The following IDNK variants were observed in gnomAD, a reference collection of about 807,000 sequenced individuals.
IDNK encodes IDNK gluconokinase.
Under a neutral mutation model 13.0 loss-of-function variants are expected in IDNK, and 9 were observed. That is an observed-to-expected ratio of 0.69 (90% CI 0.42 to 1.21). The LOEUF (loss-of-function observed/expected upper bound fraction) is 1.21. Ranked by LOEUF, IDNK falls within the 50% of genes most tolerant of loss-of-function variation. The pLI is 0.00. For missense variants in IDNK, 210 were observed against 237.8 expected (o/e 0.88, Z 0.77); for synonymous variants, 92 against 94.9 (o/e 0.97, Z 0.18).
chr9:83,638,593 G>A (rs1479732550), intron 3 of IDNK, among the ~76,000 whole-genome samples: 2 of 152,160 alleles, frequency 1.3e-5, no homozygotes, highest in East Asian at 1.9e-4. Context: ...AGCAGGGCAA[G>A]AATAAAACTG....
intron 1 of IDNK, among the ~76,000 whole-genome samples, chr9:83,624,985 GA>G (rs1477381694): frequency 6.6e-6 from 1 of 151,948 alleles, no homozygotes; most frequent in Non-Finnish European, 1.5e-5. Context: ...AAAGTGCAGG[GA>G]TTACAGGCGT....
rs960607054 is a variant in IDNK, at chr9:83,628,030, C to T, written c.51-151C>T. ...AGCTAAGGCCAGTCTCCAGACTCCA[C>T]GGTCACGGGCATCACTGCTTTAGGA... is the stretch of plus-strand genomic sequence containing the variant. On this transcript the variant is annotated intron_variant, in intron 1 of 4. Coordinates refer to ENST00000376419, the MANE Select transcript of IDNK (RefSeq NM_001001551.4). 1.7e-5 allele frequency: 25 copies of T among 1,458,346 alleles called. No individual in the cohort carries two copies. In the East Asian group the frequency reaches 4.1e-4, roughly 24 times the overall value. 90.3% of individuals were successfully genotyped at this position (1,458,346 alleles called of 1,614,324 possible). A position where few individuals can be genotyped will look rare whatever the true frequency, so the allele number is the denominator to read the frequency against.
chr9:83,626,978 C>A, intron 1 of IDNK: 1 of 342,610 alleles, frequency 2.9e-6, no homozygotes, highest in Non-Finnish European at 4.2e-6. Flanking sequence ...CAACAGTATC[C>A]AGCTAGAATT....
At chr9:83,638,312 T>C (rs927910221) in intron 3 of IDNK, among the ~76,000 whole-genome samples, 1 of 151,960 alleles carries the variant, frequency 6.6e-6, no homozygotes, top group Non-Finnish European at 1.5e-5. Context: ...AAACAATCAA[T>C]AGATGGATTA....
intron 3 of IDNK, among the ~76,000 whole-genome samples, chr9:83,641,257 CG>C (rs1831299699): frequency 6.6e-6 from 1 of 152,086 alleles, no homozygotes; most frequent in African/African-American, 2.4e-5. Flanking sequence ...GATTTGTAAA[CG>C]TATCAGAACC....
chr9:83,632,554 G>A (rs1042047555), intron 3 of IDNK, among the ~76,000 whole-genome samples: 2 of 52,472 alleles, frequency 3.8e-5, no homozygotes, highest in South Asian at 1.2e-3. Flanking sequence ...GATAGCTGAT[G>A]AGCAAAAAAA....
At chr9:83,640,759 C>A (rs1025724457) in intron 3 of IDNK, among the ~76,000 whole-genome samples, 1 of 152,138 alleles carries the variant, frequency 6.6e-6, no homozygotes, top group Non-Finnish European at 1.5e-5. Flanking sequence ...GCAGGAGAAT[C>A]GCTTGAACCC....
At chr9:83,638,227 C>G (rs1397726505) in intron 3 of IDNK, among the ~76,000 whole-genome samples, 2 of 151,672 alleles carry the variant, frequency 1.3e-5, no homozygotes, top group Non-Finnish European at 2.9e-5. Context: ...TCTCCAAGAA[C>G]TAGACATAAT....
intron 1 of IDNK, 30 bp downstream of exon 1, chr9:83,623,251 G>C: frequency 2.2e-6 from 3 of 1,379,866 alleles, no homozygotes; most frequent in Non-Finnish European, 1.9e-6. Flanking sequence ...GGGGGCGCCC[G>C]GGACAAGTGT....
intron 1 of IDNK, among the ~76,000 whole-genome samples, chr9:83,627,853 C>CAA (rs149062579): frequency 6.0e-3 from 439 of 73,410 alleles, no homozygotes; most frequent in African/African-American, 0.01. Context: ...ATCCCCACCA[C>CAA]AAAAAAAAAA....
intron 1 of IDNK, among the ~76,000 whole-genome samples, chr9:83,624,381 C>A (rs1564142853): frequency 6.6e-6 from 1 of 152,168 alleles, no homozygotes; most frequent in Non-Finnish European, 1.5e-5. Context: ...TTCATGTACT[C>A]AGTAATTATT....
chr9:83,623,151 G>T lies in IDNK; in HGVS notation c.-21G>T. On this transcript the variant is annotated 5_prime_UTR_variant, in exon 1 of 5. Coordinates refer to ENST00000376419, the MANE Select transcript of IDNK (RefSeq NM_001001551.4). ...GGCCGGCGGGGCCCGGAAGGCGACG[G>T]GAAGGAGCCGAGCTTGGGTTATGGC... The T allele has an allele frequency of 7.1e-7, 1 of 1,415,932 alleles. No homozygotes were observed. The highest frequency in any genetic ancestry group is 9.2e-7 in the Non-Finnish European group (1 of 1,090,206). The allele number at this position is 1,415,932 out of a possible 1,614,324, so 87.7% of individuals were successfully genotyped here. A position where few individuals can be genotyped will look rare whatever the true frequency, so the allele number is the denominator to read the frequency against.
intron 2 of IDNK, among the ~76,000 whole-genome samples, chr9:83,628,422 G>A (rs1194159810): frequency 6.6e-6 from 1 of 152,068 alleles, no homozygotes; most frequent in South Asian, 2.1e-4. Flanking sequence ...TTTGGGAGGT[G>A]GGCAGATCAT....
intron 1 of IDNK, 139 bp downstream of exon 1, chr9:83,623,360 C>A: frequency 1.2e-6 from 1 of 823,162 alleles, no homozygotes; most frequent in South Asian, 1.8e-5. Context: ...GAAACCGAGG[C>A]CCGCGGCTGC....
rs2131613071 is a variant in IDNK at position 83,623,147 on chromosome 9, G to T, written c.-25G>T. 2.1e-6 allele frequency: 3 copies of T among 1,414,918 alleles called. No individual in the cohort carries two copies. Among genetic ancestry groups the T allele is most frequent in the East Asian group, 6.1e-5 (2 of 32,822 alleles). The allele number at this position is 1,414,918 out of a possible 1,614,324, so 87.6% of individuals were successfully genotyped here. On this transcript the variant is annotated 5_prime_UTR_variant, in exon 1 of 5. Transcript: ENST00000376419. The stretch of plus-strand genomic sequence containing the variant: ...CCGGGGCCGGCGGGGCCCGGAAGGC[G>T]ACGGGAAGGAGCCGAGCTTGGGTTA...
intron 3 of IDNK, among the ~76,000 whole-genome samples, chr9:83,640,873 G>A (rs1226864235): frequency 6.6e-6 from 1 of 152,174 alleles, no homozygotes. Context: ...GCTGGGTATT[G>A]GTATACAGAG....
chr9:83,637,499 G>T (rs1831196022), intron 3 of IDNK, among the ~76,000 whole-genome samples: 2 of 152,216 alleles, frequency 1.3e-5, no homozygotes, highest in South Asian at 4.1e-4. Context: ...GAGCCCAGGG[G>T]AGATACCCAG....
At chr9:83,625,007 GC>G (rs113904816) in intron 1 of IDNK, among the ~76,000 whole-genome samples, 6,488 of 152,232 alleles carry the variant, frequency 0.043, 400 homozygotes, top group African/African-American at 0.15. Flanking sequence ...GAGCCACCGC[GC>G]CCAGCTAAGG....
chr9:83,628,608 C>A lies in IDNK; in HGVS notation c.82-265C>A, dbSNP rs564481068. Among the ~76,000 whole-genome samples the A allele has an allele frequency of 1.1e-4, 16 of 151,322 alleles. No homozygotes were observed. The East Asian group carries it at 2.9e-3, about 28-fold the overall frequency. On this transcript the variant is annotated intron_variant, in intron 2 of 4. Transcript: ENST00000376419. ...TGGAGGTTGCAGTGAGACAAGATTG[C>A]GCCACTGTACTCCAGCCTGGTGACA... is the stretch of plus-strand genomic sequence containing the variant.
Sources: gnomAD v4.1 joint callset for allele counts (sites outside exome capture counted in the v4.1 genomes callset) on GRCh38, gnomAD v4.1.1 for gene constraint, MANE v1.5 for transcripts, NCBI Gene and HGNC (gene_info 2026-07-23, HGNC 2026-07-21) for gene names.